Variants in RCSD1 observed in about 807,000 individuals in gnomAD.
The protein encoded by RCSD1 is capZ-interacting protein.
A neutral mutation model predicts 42.5 loss-of-function variants in RCSD1; 26 were observed. That is an observed-to-expected ratio of 0.61 (90% CI 0.45 to 0.85). The LOEUF is 0.85. RCSD1 is among the 40% of genes least tolerant of loss of function. The pLI is 0.00. For missense variants in RCSD1, 571 were observed against 528.3 expected, an observed-to-expected ratio of 1.08 and a Z score of -0.79; for synonymous variants, 220 against 212.2, an observed-to-expected ratio of 1.04 and a Z score of -0.32.
intron 1 of RCSD1, among the ~76,000 whole-genome samples, chr1:167,637,712 G>C (rs2102195084): frequency 6.6e-6 from 1 of 150,634 alleles, no homozygotes; most frequent in Non-Finnish European, 1.5e-5. Flanking sequence ...CTGACAGAAA[G>C]AGGGCTCTAG....
At chr1:167,685,571 G>T in intron 3 of RCSD1, 61 bp downstream of exon 3, 1 of 1,450,256 alleles carries the variant, frequency 6.9e-7, no homozygotes, top group East Asian at 2.3e-5. Flanking sequence ...TCTTCTTGAG[G>T]AAAGTTTGGA....
chr1:167,689,568 G>T (rs1006689341), intron 3 of RCSD1, among the ~76,000 whole-genome samples: 8 of 151,638 alleles, frequency 5.3e-5, no homozygotes, highest in African/African-American at 1.9e-4. Context: ...TCATGCCATC[G>T]ATGGGATTTT....
chr1:167,674,682 A>T (rs536793052), intron 1 of RCSD1, among the ~76,000 whole-genome samples: 2 of 152,282 alleles, frequency 1.3e-5, no homozygotes, highest in South Asian at 2.1e-4. Context: ...TTTCTCTCTG[A>T]ATTTGCCTAT....
chr1:167,697,437 G>T lies in RCSD1; in HGVS notation c.813G>T (p.Val271=), dbSNP rs781350828. Residue 271 remains valine (V), a synonymous_variant, in exon 6 of 7, where the codon GTG becomes GTT. Transcript: ENST00000367854. ...AGGCCAGGCGGAGTTCAGAGGAGGT[G>T]GACGGCCAGCACCCGGCCCAAGAGG... The part of the protein sequence containing the change: ...GEKARRSSEE[V]DGQHPAQEEV... 6.2e-7 allele frequency: 1 copy of T among 1,612,192 alleles called. No homozygotes were observed. Among genetic ancestry groups the T allele is most frequent in the Non-Finnish European group, 8.5e-7 (1 of 1,179,218 alleles).
chr1:167,650,322 G>C lies in RCSD1; in HGVS notation c.6+19893G>C, dbSNP rs529824022. ...ATGTGTGTGTGTTGGGGTGGGGGCA[G>C]GGTCAAGCTGTGAGGCGTTCACCTC... is the stretch of plus-strand genomic sequence containing the variant. On this transcript the variant is annotated intron_variant, in intron 1 of 6. Coordinates refer to ENST00000367854, the MANE Select transcript of RCSD1 (RefSeq NM_052862.4). Among the ~76,000 whole-genome samples the C allele has an allele frequency of 2.6e-5, 4 of 152,320 alleles. No homozygotes were observed. In the South Asian group the frequency reaches 6.2e-4, roughly 24 times the overall value.
In RCSD1 at chr1:167,697,241, T is replaced by A. The variant is rs775735068; in HGVS notation, c.617T>A (p.Val206Glu). The change falls in exon 6 of 7, where the codon GTG becomes GAG. Residue 206 changes from valine to glutamate, a missense_variant. By Grantham distance (121) the Val-to-Glu change is moderately radical. Coordinates refer to ENST00000367854, the MANE Select transcript of RCSD1 (RefSeq NM_052862.4). ...GCTAAGGAAGAGGATGGGGATGAAG[T>A]GTTGCCATCCAAGAGCAAGGCCCCA... ...NGAKEEDGDEVLPSKSKAPGS... is the reference protein window; with the variant it reads ...NGAKEEDGDEELPSKSKAPGS... 4 of 1,614,082 alleles carry A rather than the reference T, an allele frequency of 2.5e-6. No homozygotes were observed. Among genetic ancestry groups the A allele is most frequent in the Non-Finnish European group, 3.4e-6 (4 of 1,180,012 alleles).
intron 5 of RCSD1, 103 bp from the exon 6 acceptor site, chr1:167,696,996 C>A: frequency 1.9e-6 from 2 of 1,068,064 alleles, no homozygotes; most frequent in Non-Finnish European, 1.4e-6. Flanking sequence ...CTTGCGTGGA[C>A]TTGTGAAGCA....
intron 3 of RCSD1, among the ~76,000 whole-genome samples, chr1:167,688,558 A>G (rs1659292777): frequency 6.6e-6 from 1 of 152,198 alleles, no homozygotes; most frequent in African/African-American, 2.4e-5. Context: ...ATCTTGGTAG[A>G]GGAGGCTGAG....
Position 167,669,968 on chromosome 1 carries a change from G to T in RCSD1, c.7-13932G>T, listed in dbSNP as rs147088081. 6.7e-4 allele frequency among the ~76,000 whole-genome samples: 91 copies of T among 136,834 alleles called. No individual in the cohort carries two copies. The South Asian group carries it at 0.013, about 19-fold the overall frequency. 89.8% of individuals were successfully genotyped at this position (136,834 alleles called of 152,430 possible). A position where few individuals can be genotyped will look rare whatever the true frequency, so the allele number is the denominator to read the frequency against. ...CTTCCTGCTGCAGCCTGAAGGACAA[G>T]TGTCCCAGACCTCAGGACACACACG... On this transcript the variant is annotated intron_variant, in intron 1 of 6. Transcript: ENST00000367854.
rs1055180490 is a variant in RCSD1, at chr1:167,655,122, T to C, written c.6+24693T>C. 4.6e-5 allele frequency among the ~76,000 whole-genome samples: 7 copies of C among 152,240 alleles called. No individual in the cohort carries two copies. In the South Asian group the frequency reaches 1.0e-3, roughly 23 times the overall value. On this transcript the variant is annotated intron_variant, in intron 1 of 6. Coordinates refer to ENST00000367854, the MANE Select transcript of RCSD1 (RefSeq NM_052862.4). ...GAGGCTGCACCTCTCCCGAAGGAAA[T>C]GAGCTCAGCTTCCCCAAACCTCCCT... is the stretch of plus-strand genomic sequence containing the variant.
At position 167,690,248 on chromosome 1, in the gene RCSD1, C is replaced by G. The variant is rs1659344934; in HGVS notation, c.270+128C>G. On this transcript the variant is annotated intron_variant, in intron 4 of 6. Transcript: ENST00000367854. ...CTGCATAATTGGCCCCAATAATCAGCCAGTGATCAAATTGCAGTAAACGAT... is the reference window on the plus strand; with the variant it reads ...CTGCATAATTGGCCCCAATAATCAGGCAGTGATCAAATTGCAGTAAACGAT... The G allele has an allele frequency of 1.7e-5, 13 of 758,524 alleles. No homozygotes were observed. The East Asian group carries it at 3.5e-4, about 20-fold the overall frequency. 47.0% of individuals were successfully genotyped at this position (758,524 alleles called of 1,614,324 possible). A position where few individuals can be genotyped will look rare whatever the true frequency, so the allele number is the denominator to read the frequency against.
At chr1:167,631,059 T>C (rs555980329) in intron 1 of RCSD1, among the ~76,000 whole-genome samples, 15 of 152,380 alleles carry the variant, frequency 9.8e-5, no homozygotes, top group Admixed American at 2.0e-4. Context: ...AAGACTCCCT[T>C]GGACACCCTT....
intron 1 of RCSD1, chr1:167,642,089 A>C (rs954068858): frequency 6.6e-6 from 1 of 152,234 alleles, no homozygotes; most frequent in East Asian, 1.9e-4. Flanking sequence ...GCTGGCCATT[A>C]AATGCTCTCT....
At chr1:167,696,279 A>C (rs1381122774) in intron 5 of RCSD1, among the ~76,000 whole-genome samples, 1 of 152,076 alleles carries the variant, frequency 6.6e-6, no homozygotes, top group Non-Finnish European at 1.5e-5. Flanking sequence ...TAAAATCATA[A>C]GTTATCTTTT....
At chr1:167,630,490 C>A in intron 1 of RCSD1, 61 bp downstream of exon 1, 1 of 1,475,040 alleles carries the variant, frequency 6.8e-7, no homozygotes, top group Non-Finnish European at 9.1e-7. Context: ...GGCGCCCCTT[C>A]CCCGGGCGGC....
intron 1 of RCSD1, among the ~76,000 whole-genome samples, chr1:167,647,424 A>G (rs1375149181): frequency 7.3e-6 from 1 of 136,370 alleles, no homozygotes; most frequent in Non-Finnish European, 1.6e-5. Context: ...CCCCATCGCT[A>G]CAAAAAAAAA....
intron 1 of RCSD1, among the ~76,000 whole-genome samples, chr1:167,645,467 A>G (rs1289523050): frequency 6.6e-6 from 1 of 152,248 alleles, no homozygotes; most frequent in Non-Finnish European, 1.5e-5. Flanking sequence ...GACACAGGAT[A>G]TGCTAAAGTG....
intron 3 of RCSD1, among the ~76,000 whole-genome samples, chr1:167,689,070 A>T (rs1407703861): frequency 1.3e-5 from 2 of 152,188 alleles, no homozygotes; most frequent in Admixed American, 6.5e-5. Flanking sequence ...AGTACGTATG[A>T]TTATGTAACA....
intron 3 of RCSD1, among the ~76,000 whole-genome samples, chr1:167,685,858 G>A (rs1659221391): frequency 1.3e-5 from 2 of 152,130 alleles, no homozygotes; most frequent in South Asian, 4.2e-4. Flanking sequence ...TCTGACTTAG[G>A]TGATCTTGGA....
Sources: gnomAD v4.1 joint callset for allele counts (sites outside exome capture counted in the v4.1 genomes callset) on GRCh38, gnomAD v4.1.1 for gene constraint, MANE v1.5 for transcripts, NCBI Gene and HGNC (gene_info 2026-07-23, HGNC 2026-07-21) for gene names.